The following MCPH1 variants were observed in gnomAD, a reference collection of about 807,000 sequenced individuals.
MCPH1 encodes the protein microcephalin 1, also known as microcephalin.
Under a neutral mutation model 84.5 loss-of-function variants are expected in MCPH1, and 104 were observed. The observed-to-expected ratio is 1.23, with a 90% CI of 1.05 to 1.45. The LOEUF (loss-of-function observed/expected upper bound fraction) is 1.45. MCPH1 is among the 40% of genes most tolerant of loss of function. The probability of loss-of-function intolerance (pLI) is 0.00; values close to 1 mark genes in which losing one functional copy is unlikely to be tolerated. For synonymous variants in MCPH1, 514 were observed against 366.8 expected, an observed-to-expected ratio of 1.40 and a Z score of -4.58; for missense variants, 1,498 against 1,005.7, an observed-to-expected ratio of 1.49 and a Z score of -6.62.
chr8:6,422,089 C>G (rs1013365633), intron 3 of MCPH1, among the ~76,000 whole-genome samples: 10 of 152,166 alleles, frequency 6.6e-5, no homozygotes. Context: ...ACTATTAAAA[C>G]TTATTTTGTT....
At chr8:6,433,841 G>A (rs1470166346) in intron 4 of MCPH1, among the ~76,000 whole-genome samples, 1 of 151,674 alleles carries the variant, frequency 6.6e-6, no homozygotes, top group Non-Finnish European at 1.5e-5. Context: ...ATTCTTTTGG[G>A]TCCTTGAGAT....
At chr8:6,509,148 T>C (rs1409877421) in intron 12 of MCPH1, 6 of 1,525,946 alleles carry the variant, frequency 3.9e-6, no homozygotes, top group African/African-American at 1.4e-5. Context: ...AGAATTCCAT[T>C]CTACAGAAGC....
At chr8:6,530,038 C>T (rs1819166579) in intron 12 of MCPH1, among the ~76,000 whole-genome samples, 1 of 151,670 alleles carries the variant, frequency 6.6e-6, no homozygotes, top group Admixed American at 6.6e-5. Context: ...TGCCAAGTTC[C>T]CATGCTTGGA....
intron 12 of MCPH1, among the ~76,000 whole-genome samples, chr8:6,595,081 G>A (rs149162681): frequency 7.9e-5 from 12 of 152,282 alleles, no homozygotes; most frequent in Admixed American, 2.0e-4. Flanking sequence ...TACTGACTTC[G>A]CACAAATCAC....
At chr8:6,596,752 C>G (rs1310167781) in intron 12 of MCPH1, among the ~76,000 whole-genome samples, 1 of 152,156 alleles carries the variant, frequency 6.6e-6, no homozygotes, top group African/African-American at 2.4e-5. Flanking sequence ...AACTGAAAAC[C>G]CCAGCCAGAT....
intron 12 of MCPH1, among the ~76,000 whole-genome samples, chr8:6,596,195 C>G (rs993871034): frequency 6.6e-6 from 1 of 152,144 alleles, no homozygotes; most frequent in South Asian, 2.1e-4. Flanking sequence ...TTTTATTGGG[C>G]TCCAGTCTCA....
chr8:6,457,049 G>A (rs941231470), intron 9 of MCPH1, among the ~76,000 whole-genome samples: 1 of 152,196 alleles, frequency 6.6e-6, no homozygotes, highest in East Asian at 1.9e-4. Flanking sequence ...ATAAAAGAAT[G>A]AGTGGTCAGA....
At chr8:6,426,714 T>C (rs1187426548) in intron 3 of MCPH1, among the ~76,000 whole-genome samples, 2 of 152,248 alleles carry the variant, frequency 1.3e-5, no homozygotes, top group Admixed American at 1.3e-4. Flanking sequence ...GTTATGGCAC[T>C]GTATATTCCC....
intron 12 of MCPH1, among the ~76,000 whole-genome samples, chr8:6,524,166 G>A (rs1178438551): frequency 6.6e-6 from 1 of 152,158 alleles, no homozygotes; most frequent in East Asian, 1.9e-4. Context: ...ACATTGCAGA[G>A]TTTTGTTTTA....
chr8:6,604,571 C>T (rs1434686035), intron 12 of MCPH1, among the ~76,000 whole-genome samples: 3 of 152,262 alleles, frequency 2.0e-5, no homozygotes, highest in African/African-American at 7.2e-5. Flanking sequence ...GTGGCGCAAA[C>T]TCGGCTCACT....
chr8:6,490,618 A>G (rs1349526523), intron 11 of MCPH1, among the ~76,000 whole-genome samples: 3 of 152,174 alleles, frequency 2.0e-5, no homozygotes, highest in Non-Finnish European at 2.9e-5. Context: ...GACATTGTAC[A>G]TTTTGCTACC....
chr8:6,595,818 G>A (rs1031140631), intron 12 of MCPH1, among the ~76,000 whole-genome samples: 3 of 152,176 alleles, frequency 2.0e-5, no homozygotes, highest in African/African-American at 7.2e-5. Context: ...AGTAATAGAT[G>A]GTAATAGAGT....
intron 12 of MCPH1, among the ~76,000 whole-genome samples, chr8:6,520,329 C>G (rs2442621): frequency 4.6e-5 from 7 of 152,194 alleles, no homozygotes; most frequent in South Asian, 4.1e-4. Flanking sequence ...TCATCTTGAG[C>G]AGAATAGGGT....
Position 6,473,754 on chromosome 8 carries a change from A to G in MCPH1, c.1936-3840A>G, listed in dbSNP as rs958266857. The G allele has an allele frequency of 7.3e-6, 5 of 684,684 alleles. No homozygotes were observed. The Admixed American group carries it at 9.8e-5, about 13-fold the overall frequency. 42.4% of individuals were successfully genotyped at this position (684,684 alleles called of 1,614,324 possible). A position where few individuals can be genotyped will look rare whatever the true frequency, so the allele number is the denominator to read the frequency against. On this transcript the variant is annotated intron_variant, in intron 9 of 13. Coordinates refer to ENST00000344683, the MANE Select transcript of MCPH1 (RefSeq NM_024596.5). ...CTGCTGGTCCTGCAACATGAGTTTA[A>G]TAAAGCGTTCCTGATACTTAAACAA...
rs183650465 is a variant in MCPH1 at position 6,433,595 on chromosome 8, T to C, written c.321+2009T>C. ...TTGCAGTGAGCCCAGATCATGCCAC[T>C]GCACTCCAGCCTGGGCGACAGCAAG... On this transcript the variant is annotated intron_variant, in intron 4 of 13. Transcript: ENST00000344683. Among the ~76,000 whole-genome samples the C allele has an allele frequency of 2.0e-4, 26 of 127,838 alleles. No homozygotes were observed. The East Asian group carries it at 5.4e-3, about 27-fold the overall frequency. The allele number at this position is 127,838 out of a possible 152,430, so 83.9% of individuals were successfully genotyped here.
chr8:6,464,126 A>G (rs1020474280), intron 9 of MCPH1, among the ~76,000 whole-genome samples: 4 of 152,238 alleles, frequency 2.6e-5, no homozygotes, highest in African/African-American at 9.6e-5. Flanking sequence ...GCAGAAAGAT[A>G]GGCCCTTTAG....
intron 13 of MCPH1, among the ~76,000 whole-genome samples, chr8:6,623,090 C>G (rs577282989): frequency 6.9e-6 from 1 of 145,724 alleles, no homozygotes; most frequent in Non-Finnish European, 1.5e-5. Flanking sequence ...GGGGCTCAAG[C>G]GATCCTCCTG....
At chr8:6,437,484 C>G (rs368087895) in intron 5 of MCPH1, among the ~76,000 whole-genome samples, 1 of 152,202 alleles carries the variant, frequency 6.6e-6, no homozygotes, top group Non-Finnish European at 1.5e-5. Flanking sequence ...CCGCTTCAGC[C>G]TCCCAAAGTG....
In MCPH1 at chr8:6,474,815, A is replaced by G. The variant is rs73661772; in HGVS notation, c.1936-2779A>G. ...GGTATTTGAGACCAGCCTTGGTGAC[A>G]TAGCGAGAGACCCCATCTTAAAAAA... is the stretch of plus-strand genomic sequence containing the variant. On this transcript the variant is annotated intron_variant, in intron 9 of 13. Coordinates refer to ENST00000344683, the MANE Select transcript of MCPH1 (RefSeq NM_024596.5). Among the ~76,000 whole-genome samples the G allele has an allele frequency of 3.8e-3, 579 of 152,312 alleles. 3 individuals carry two copies. The highest frequency in any genetic ancestry group is 0.013 in the African/African-American group (538 of 41,566).
Sources: gnomAD v4.1 joint callset for allele counts (sites outside exome capture counted in the v4.1 genomes callset) on GRCh38, gnomAD v4.1.1 for gene constraint, MANE v1.5 for transcripts, NCBI Gene and HGNC (gene_info 2026-07-23, HGNC 2026-07-21) for gene names.